Variants in MAP3K19 observed in about 807,000 individuals in gnomAD.
MAP3K19 encodes the protein mitogen-activated protein kinase kinase kinase 19, also known as SPS1/STE20-related protein kinase YSK4.
MAP3K19 carries 91 observed loss-of-function variants against 114.4 expected under a neutral mutation model. The observed-to-expected ratio is 0.80, with a 90% CI of 0.67 to 0.95. The LOEUF (loss-of-function observed/expected upper bound fraction) is 0.95. Ranked by LOEUF, MAP3K19 falls within the 40% of genes least tolerant of loss-of-function variation. MAP3K19 has a pLI of 0.00. For missense variants in MAP3K19, 1,471 were observed against 1,573.2 expected (o/e 0.94, Z 1.10); for synonymous variants, 518 against 530.5 (o/e 0.98, Z 0.32).
chr2:134,977,508 G>A (rs542628847), intron 12 of MAP3K19, among the ~76,000 whole-genome samples: 21 of 151,822 alleles, frequency 1.4e-4, no homozygotes, highest in Admixed American at 1.1e-3. Flanking sequence ...GACTACAGGT[G>A]CCTGCCACCA....
chr2:135,010,553 T>C (rs568691777), intron 5 of MAP3K19, among the ~76,000 whole-genome samples: 20 of 152,312 alleles, frequency 1.3e-4, no homozygotes, highest in African/African-American at 4.8e-4. Context: ...CATCGCATTC[T>C]AGCCTGCAGA....
chr2:134,979,841 G>A (rs1198514977), intron 12 of MAP3K19, among the ~76,000 whole-genome samples: 1 of 152,122 alleles, frequency 6.6e-6, no homozygotes, highest in South Asian at 2.1e-4. Context: ...CTGGGAGAGA[G>A]AGACAGAGAC....
intron 2 of MAP3K19, among the ~76,000 whole-genome samples, chr2:135,035,736 A>G (rs1688511272): frequency 6.6e-6 from 1 of 152,200 alleles, no homozygotes; most frequent in African/African-American, 2.4e-5. Flanking sequence ...ATGGCTTTGC[A>G]TGATCCAGCC....
chr2:135,027,707 C>G (rs1454406664), intron 3 of MAP3K19, among the ~76,000 whole-genome samples: 2 of 152,190 alleles, frequency 1.3e-5, no homozygotes, highest in Admixed American at 6.5e-5. Context: ...AAACATGCAG[C>G]TTTATTTCTG....
At chr2:135,012,022 C>T (rs1042348108) in intron 5 of MAP3K19, among the ~76,000 whole-genome samples, 3 of 152,164 alleles carry the variant, frequency 2.0e-5, no homozygotes, top group African/African-American at 7.2e-5. Context: ...TTATCAATAT[C>T]TTATGCATGA....
At chr2:135,014,525 G>C (rs1017247027) in intron 5 of MAP3K19, among the ~76,000 whole-genome samples, 4 of 152,126 alleles carry the variant, frequency 2.6e-5, no homozygotes, top group Admixed American at 1.3e-4. Context: ...GTGTGTGTCA[G>C]ATATTTGAAG....
At chr2:135,000,832 A>G (rs1245435311) in intron 6 of MAP3K19, among the ~76,000 whole-genome samples, 2 of 152,140 alleles carry the variant, frequency 1.3e-5, no homozygotes, top group African/African-American at 2.4e-5. Flanking sequence ...TATTCACTCA[A>G]TCTGCTTGTG....
chr2:135,044,022 T>C (rs1195573464), intron 1 of MAP3K19, among the ~76,000 whole-genome samples: 3 of 152,246 alleles, frequency 2.0e-5, no homozygotes, highest in East Asian at 1.9e-4. Context: ...AAATAGTGAA[T>C]GAATTCCTCA....
Position 134,986,289 on chromosome 2 carries a change from C to T in MAP3K19, c.2583G>A (p.Glu861=). 6.2e-7 allele frequency: 1 copy of T among 1,614,008 alleles called. No homozygotes were observed. Among genetic ancestry groups the T allele is most frequent in the Non-Finnish European group, 8.5e-7 (1 of 1,179,984 alleles). ...PSEDSWAVPS[E]KNSNKYVQQE... is the part of the protein sequence containing the mutation. ...GCTGTACATACTTGTTAGAATTCTT[C>T]TCACTGGGCACTGCCCAGCTGTCTT... is the stretch of plus-strand genomic sequence containing the variant. Residue 861 remains glutamate (E), a synonymous_variant, in exon 10 of 13, where the codon GAG becomes GAA. Coordinates refer to ENST00000392915, the MANE Select transcript of MAP3K19 (RefSeq NM_025052.5).
At chr2:135,041,656 C>T (rs546051477) in intron 1 of MAP3K19, among the ~76,000 whole-genome samples, 9 of 152,254 alleles carry the variant, frequency 5.9e-5, no homozygotes, top group African/African-American at 1.9e-4. Flanking sequence ...AGTAACAGCA[C>T]GACATCCTTT....
Position 134,982,113 on chromosome 2 carries a change from CTT to C in MAP3K19, c.3223-597_3223-596del, listed in dbSNP as rs35219224. The stretch of plus-strand genomic sequence containing the variant: ...GAGCCACCGTGCTACCTTTTTCTTT[CTT>C]TTTTTTTTTTTTTTTTTTTGGAGAC... On this transcript the variant is annotated intron_variant, in intron 11 of 12. Transcript: ENST00000392915. 0.024 allele frequency among the ~76,000 whole-genome samples: 1,861 copies of C among 76,262 alleles called. 98 individuals carry two copies. The East Asian group carries it at 0.35, about 14-fold the overall frequency. The allele number at this position is 76,262 out of a possible 152,430, so 50.0% of individuals were successfully genotyped here.
chr2:135,027,417 T>TGGGA (rs1222593603), intron 3 of MAP3K19, among the ~76,000 whole-genome samples: 2 of 117,736 alleles, frequency 1.7e-5, no homozygotes, highest in Non-Finnish European at 3.6e-5. Context: ...AAGAAAAGGA[T>TGGGA]GGGAGGGAGG....
chr2:134,977,047 GAAAAAAAAAAA>G (rs369837575), intron 12 of MAP3K19, among the ~76,000 whole-genome samples: 1 of 116,200 alleles, frequency 8.6e-6, no homozygotes, highest in African/African-American at 3.2e-5. Flanking sequence ...CTCCGTCTCG[GAAAAAAAAAAA>G]AAAAAAAAAT....
chr2:134,987,822 G>A lies in MAP3K19; in HGVS notation c.1050C>T (p.Asp350=), dbSNP rs11888766. 0.2 allele frequency: 329,220 copies of A among 1,608,124 alleles called. 38,892 individuals carry two copies. The highest frequency in any genetic ancestry group is 0.56 in the Middle Eastern group (3,398 of 6,062). ...NIPAVREEDI[D]CHGSKTRKPE... ...GTTTTCGCGTTTTACTACCATGGCA[G>A]TCAATATCCTCTTCCCTAACTGCAG... Residue 350 remains aspartate (D), a synonymous_variant, in exon 10 of 13, where the codon GAC becomes GAT. Coordinates refer to ENST00000392915, the MANE Select transcript of MAP3K19 (RefSeq NM_025052.5).
chr2:135,002,223 C>A (rs965505916), intron 6 of MAP3K19, among the ~76,000 whole-genome samples: 1 of 152,112 alleles, frequency 6.6e-6, no homozygotes, highest in Non-Finnish European at 1.5e-5. Flanking sequence ...TTCAACATAG[C>A]CACGAATATA....
In MAP3K19 at chr2:134,987,242, TC is replaced by T; in HGVS notation, c.1629del (p.Thr544GlnfsTer10). ...SHRSKLDSKT[K>X]TSKKTPQNFV... is the part of the protein sequence containing the mutation. ...AAATTCTGAGGTGTCTTCTTACTTG[TC>T]TTGGTCTTTGAATCCAACTTACTCC... is the stretch of plus-strand genomic sequence containing the variant. On this transcript the variant is annotated frameshift_variant, in exon 10 of 13. Coordinates refer to ENST00000392915, the MANE Select transcript of MAP3K19 (RefSeq NM_025052.5). LOFTEE classifies it high-confidence loss of function. 1 of 1,614,182 alleles carries T rather than the reference TC, an allele frequency of 6.2e-7. No homozygotes were observed. Among genetic ancestry groups the T allele is most frequent in the Non-Finnish European group, 8.5e-7 (1 of 1,180,032 alleles).
At chr2:135,001,406 A>G (rs1466613228) in intron 6 of MAP3K19, among the ~76,000 whole-genome samples, 1 of 152,234 alleles carries the variant, frequency 6.6e-6, no homozygotes, top group African/African-American at 2.4e-5. Context: ...ACTATGTAGC[A>G]AAAAATGAGA....
chr2:135,033,712 C>T (rs1412473668), intron 2 of MAP3K19, among the ~76,000 whole-genome samples: 1 of 96,412 alleles, frequency 1.0e-5, no homozygotes, highest in Non-Finnish European at 1.9e-5. Flanking sequence ...CCCCCCCCAC[C>T]TCCCTCCCGG....
chr2:134,992,230 A>G (rs1472156887), intron 8 of MAP3K19, among the ~76,000 whole-genome samples: 1 of 152,130 alleles, frequency 6.6e-6, no homozygotes, highest in African/African-American at 2.4e-5. Context: ...TTTGCTTAGA[A>G]AGCCTGAACT....
Sources: allele counts gnomAD v4.1 joint callset (sites outside exome capture counted in the v4.1 genomes callset), GRCh38; gene constraint gnomAD v4.1.1; transcripts MANE v1.5; gene names NCBI Gene and HGNC (gene_info 2026-07-23, HGNC 2026-07-21).